Variants in FHOD3 observed in about 807,000 individuals in gnomAD.
The protein encoded by FHOD3 is FH1/FH2 domain-containing protein 3.
In FHOD3, 90 loss-of-function variants were observed where a neutral mutation model predicts 173.0. That is an observed-to-expected ratio of 0.52 (90% CI 0.44 to 0.62). The LOEUF (loss-of-function observed/expected upper bound fraction) is 0.62. FHOD3 is among the 20% of genes least tolerant of loss of function. The pLI, the probability that FHOD3 is intolerant of heterozygous loss-of-function variation, is 0.00. For synonymous variants in FHOD3, 828 were observed against 823.0 expected, an observed-to-expected ratio of 1.01 and a Z score of -0.10; for missense variants, 1,945 against 2,034.7, an observed-to-expected ratio of 0.96 and a Z score of 0.85.
chr18:36,611,964 C>T lies in FHOD3; in HGVS notation c.826C>T (p.Leu276=), dbSNP rs978486483. Residue 276 remains leucine, a synonymous_variant, in exon 9 of 29, where the codon CTA becomes TTA. Coordinates refer to ENST00000590592, the MANE Select transcript of FHOD3 (RefSeq NM_001281740.3). ...TCTCTTCTTCCAGACGTTATCAGGA[C>T]TACCAGACCAAGACACCTTCTACGA... ...MTLVNKTLSG[L]PDQDTFYDVV... The T allele has an allele frequency of 6.2e-7, 1 of 1,613,844 alleles. No individual in the cohort carries two copies. Among genetic ancestry groups the T allele is most frequent in the African/African-American group, 1.3e-5 (1 of 74,906 alleles).
chr18:36,552,744 C>A lies in FHOD3; in HGVS notation c.512-23707C>A, dbSNP rs549153787. ...TGATCTCCTAACCTCATGATCCACCCGCCTCGGCCTCCCAAAGTGCTGGGA... is the reference window on the plus strand; with the variant it reads ...TGATCTCCTAACCTCATGATCCACCAGCCTCGGCCTCCCAAAGTGCTGGGA... On this transcript the variant is annotated intron_variant, in intron 5 of 28. Coordinates refer to ENST00000590592, the MANE Select transcript of FHOD3 (RefSeq NM_001281740.3). Among the ~76,000 whole-genome samples, 52 of 152,152 alleles carry A rather than the reference C, an allele frequency of 3.4e-4. 1 individual carries two copies. Among genetic ancestry groups the A allele is most frequent in the Non-Finnish European group, 6.2e-4 (42 of 68,020 alleles).
intron 2 of FHOD3, among the ~76,000 whole-genome samples, chr18:36,361,957 CT>C (rs1362672134): frequency 1.4e-4 from 22 of 152,320 alleles, no homozygotes; most frequent in Middle Eastern, 6.8e-3. Context: ...CCTGAAAAGG[CT>C]GCAGTAAGTC....
At chr18:36,509,344 G>A (rs1318289902) in intron 4 of FHOD3, among the ~76,000 whole-genome samples, 1 of 150,532 alleles carries the variant, frequency 6.6e-6, no homozygotes, top group African/African-American at 2.5e-5. Flanking sequence ...GGAGAATGGC[G>A]TGAACCCGGG....
intron 5 of FHOD3, among the ~76,000 whole-genome samples, chr18:36,550,947 A>G (rs1296091495): frequency 6.6e-6 from 1 of 152,132 alleles, no homozygotes; most frequent in Non-Finnish European, 1.5e-5. Context: ...AATGTGGAAT[A>G]GTGTTGAATA....
chr18:36,705,988 T>TGC (rs1215553930), intron 17 of FHOD3, among the ~76,000 whole-genome samples: 3 of 133,530 alleles, frequency 2.2e-5, no homozygotes, highest in Non-Finnish European at 4.9e-5. Context: ...TGTGTGTGTG[T>TGC]GTGCACGGAG....
intron 3 of FHOD3, among the ~76,000 whole-genome samples, chr18:36,391,487 G>GT (rs1166668488): frequency 1.3e-5 from 2 of 152,134 alleles, no homozygotes; most frequent in Admixed American, 1.3e-4. Context: ...ATAGCCAGTG[G>GT]TAAGTTCAGG....
chr18:36,430,849 A>G (rs1268345870), intron 3 of FHOD3, among the ~76,000 whole-genome samples: 1 of 152,178 alleles, frequency 6.6e-6, no homozygotes, highest in Non-Finnish European at 1.5e-5. Context: ...TTTAAAAACA[A>G]TCTGTTGTTA....
intron 3 of FHOD3, among the ~76,000 whole-genome samples, chr18:36,430,695 A>G (rs1223872699): frequency 6.6e-6 from 1 of 152,222 alleles, no homozygotes; most frequent in African/African-American, 2.4e-5. Flanking sequence ...TGGGTTAGCT[A>G]GGAGTGAGTA....
chr18:36,760,158 AAGT>A (rs2042809484), intron 26 of FHOD3, among the ~76,000 whole-genome samples: 1 of 152,232 alleles, frequency 6.6e-6, no homozygotes. Flanking sequence ...CTACCATCGT[AAGT>A]GATACTTAAG....
At chr18:36,680,810 A>C (rs1449566612) in intron 14 of FHOD3, among the ~76,000 whole-genome samples, 1 of 152,236 alleles carries the variant, frequency 6.6e-6, no homozygotes, top group African/African-American at 2.4e-5. Context: ...TTTTGTCCTC[A>C]TCTGTCATCT....
intron 25 of FHOD3, among the ~76,000 whole-genome samples, chr18:36,758,757 C>T (rs1054910170): frequency 6.6e-6 from 1 of 152,220 alleles, no homozygotes; most frequent in African/African-American, 2.4e-5. Context: ...CCAGCCAAGC[C>T]ATATGGTTCA....
Position 36,617,064 on chromosome 18 carries a change from C to T in FHOD3, c.957+4969C>T, listed in dbSNP as rs2071182024. ...CTTCATGCCCCAGAGAGTCATGGCT[C>T]ACAAATCCATAATTCTGAGTTTATT... is the stretch of plus-strand genomic sequence containing the variant. On this transcript the variant is annotated intron_variant, in intron 9 of 28. Coordinates refer to ENST00000590592, the MANE Select transcript of FHOD3 (RefSeq NM_001281740.3). Among the ~76,000 whole-genome samples the T allele has an allele frequency of 3.3e-5, 5 of 152,332 alleles. No homozygotes were observed. The South Asian group carries it at 1.0e-3, about 32-fold the overall frequency.
At chr18:36,644,371 TTGAC>T (rs1164091539) in intron 10 of FHOD3, among the ~76,000 whole-genome samples, 1 of 152,252 alleles carries the variant, frequency 6.6e-6, no homozygotes, top group East Asian at 1.9e-4. Context: ...ATCATTTCAT[TTGAC>T]TGATTTTATC....
chr18:36,401,927 T>C (rs1362642699), intron 3 of FHOD3, among the ~76,000 whole-genome samples: 1 of 152,246 alleles, frequency 6.6e-6, no homozygotes, highest in Non-Finnish European at 1.5e-5. Context: ...GTTTTTGCTC[T>C]TTGGCTGTTA....
At chr18:36,374,791 T>G (rs192495259) in intron 3 of FHOD3, among the ~76,000 whole-genome samples, 1 of 152,356 alleles carries the variant, frequency 6.6e-6, no homozygotes, top group East Asian at 1.9e-4. Context: ...ACCGGCATGT[T>G]TTGCCACAAT....
At chr18:36,681,258 T>C (rs1282983032) in intron 14 of FHOD3, among the ~76,000 whole-genome samples, 178 bp from the exon 15 acceptor site, 2 of 152,176 alleles carry the variant, frequency 1.3e-5, no homozygotes, top group Non-Finnish European at 2.9e-5. Flanking sequence ...TATGATACTT[T>C]TCCCCAATTT....
At chr18:36,565,685 A>G (rs1043454921) in intron 5 of FHOD3, among the ~76,000 whole-genome samples, 1 of 152,130 alleles carries the variant, frequency 6.6e-6, no homozygotes, top group Non-Finnish European at 1.5e-5. Context: ...TTCCAGTCAC[A>G]TTCTCAAATG....
chr18:36,324,051 A>G (rs1280026689), intron 1 of FHOD3, among the ~76,000 whole-genome samples: 1 of 152,258 alleles, frequency 6.6e-6, no homozygotes, highest in Middle Eastern at 3.2e-3. Flanking sequence ...TTAAAGTTAC[A>G]GTAGTCCCAC....
intron 17 of FHOD3, 135 bp downstream of exon 17, chr18:36,693,558 G>T (rs1029107174): frequency 9.9e-6 from 8 of 806,910 alleles, no homozygotes; most frequent in South Asian, 1.8e-5. Flanking sequence ...GGGGAGGGGG[G>T]TTGTGACTGC....
Sources: gnomAD v4.1 joint callset for allele counts (sites outside exome capture counted in the v4.1 genomes callset) on GRCh38, gnomAD v4.1.1 for gene constraint, MANE v1.5 for transcripts, NCBI Gene and HGNC (gene_info 2026-07-23, HGNC 2026-07-21) for gene names.